ADGRA1: variants seen among roughly 807,000 people sequenced by gnomAD.
ADGRA1 encodes G-protein coupled receptor 123.
Under a neutral mutation model 21.3 loss-of-function variants are expected in ADGRA1, and 12 were observed. That is an observed-to-expected ratio of 0.56 (90% CI 0.36 to 0.91). The LOEUF (loss-of-function observed/expected upper bound fraction) is 0.91. Ranked by LOEUF, ADGRA1 falls within the 40% of genes least tolerant of loss-of-function variation. ADGRA1 has a pLI of 0.01. For missense variants in ADGRA1, 790 were observed against 805.6 expected (o/e 0.98, Z 0.23); for synonymous variants, 385 against 368.8 (o/e 1.04, Z -0.50).
intron 5 of ADGRA1, among the ~76,000 whole-genome samples, chr10:133,104,797 G>T (rs1259351039): frequency 6.6e-6 from 1 of 152,190 alleles, no homozygotes; most frequent in African/African-American, 2.4e-5. Flanking sequence ...TGCAGACTCA[G>T]GAGTGGTGGG....
rs901352036 is a variant in ADGRA1 at position 133,131,553 on chromosome 10, G to C, written c.*2042G>C. ...ATCCTGGGGCAGGGCTGCTCTCCCT[G>C]GCCCCTGCAGCCCCTCATGAACTTT... On this transcript the variant is annotated 3_prime_UTR_variant, in exon 7 of 7. Transcript: ENST00000392607. 1 of 152,434 alleles carries C rather than the reference G, an allele frequency of 6.6e-6. No homozygotes were observed. Among genetic ancestry groups the C allele is most frequent in the Non-Finnish European group, 1.5e-5 (1 of 68,082 alleles). The allele number at this position is 152,434 out of a possible 1,614,324, so 9.4% of individuals were successfully genotyped here.
Position 133,128,483 on chromosome 10 carries a change from C to T in ADGRA1, c.655C>T (p.Arg219Trp). The change falls in exon 7 of 7, where the codon CGG becomes TGG. Residue 219 changes from arginine (R) to tryptophan (W), a missense_variant. Arg to Trp is a moderately radical substitution (Grantham distance 101, BLOSUM62 -3). Coordinates refer to ENST00000392607, the MANE Select transcript of ADGRA1 (RefSeq NM_001083909.3). Reference sequence around the variant, plus strand: ...GCTGCGCACACAGCCCGAGGAGCAGCGGCGGCTGGCGACACCCGAGGGCGG... The same window carrying T: ...GCTGCGCACACAGCCCGAGGAGCAGTGGCGGCTGGCGACACCCGAGGGCGG... ...YELRTQPEEQ[R>W]RLATPEGGRG... is the part of the protein sequence containing the mutation. 1.3e-6 allele frequency: 2 copies of T among 1,563,770 alleles called. No homozygotes were observed. Among genetic ancestry groups the T allele is most frequent in the Non-Finnish European group, 1.7e-6 (2 of 1,156,280 alleles).
chr10:133,087,983 C>T lies in ADGRA1; in HGVS notation c.-358C>T, dbSNP rs1238713632. 26 of 984,876 alleles carry T rather than the reference C, an allele frequency of 2.6e-5. No individual in the cohort carries two copies. The Admixed American group carries it at 1.5e-3, about 56-fold the overall frequency. 61.0% of individuals were successfully genotyped at this position (984,876 alleles called of 1,614,324 possible). ...GCTCGTGCGCGGGGCTGTGACTCAC[C>T]GGCCGGCGCCGCAGCCCCGCAATCT... is the stretch of plus-strand genomic sequence containing the variant. On this transcript the variant is annotated 5_prime_UTR_variant, in exon 1 of 7. Transcript: ENST00000392607.
chr10:133,116,495 C>T (rs982143880), intron 5 of ADGRA1, among the ~76,000 whole-genome samples: 206 of 140,394 alleles, frequency 1.5e-3, no homozygotes, highest in African/African-American at 4.7e-3. Flanking sequence ...GTCTGGGGGG[C>T]GTCCCTGGGC....
At chr10:133,121,540 CAG>C (rs1852257842) in intron 5 of ADGRA1, among the ~76,000 whole-genome samples, 1 of 134,192 alleles carries the variant, frequency 7.5e-6, no homozygotes, top group Non-Finnish European at 1.5e-5. Context: ...TCCAGTGTGC[CAG>C]TGTGTGTGTG....
chr10:133,096,860 A>G (rs1400410148), intron 2 of ADGRA1, 114 bp from the exon 3 acceptor site: 3 of 1,329,806 alleles, frequency 2.3e-6, no homozygotes, highest in Non-Finnish European at 2.1e-6. Flanking sequence ...CCCCACACGA[A>G]AATGCCTGGA....
At position 133,129,052 on chromosome 10, in the gene ADGRA1, G is replaced by A; in HGVS notation, c.1224G>A (p.Gly408=). Reference sequence around the variant, plus strand: ...ACCTGCAGGAGGAGGGCGCCTTCGGGCACGACCCCCACCTGCACGGGTGCC... The same window carrying A: ...ACCTGCAGGAGGAGGGCGCCTTCGGACACGACCCCCACCTGCACGGGTGCC... ...HVHLQEEGAF[G]HDPHLHGCLQ... is the part of the protein sequence containing the mutation. The change falls in exon 7 of 7, where the codon GGG becomes GGA. Residue 408 remains glycine (G), a synonymous_variant. Coordinates refer to ENST00000392607, the MANE Select transcript of ADGRA1 (RefSeq NM_001083909.3). The A allele has an allele frequency of 6.4e-7, 1 of 1,554,344 alleles. No individual in the cohort carries two copies. Among genetic ancestry groups the A allele is most frequent in the Non-Finnish European group, 8.7e-7 (1 of 1,147,920 alleles).
At chr10:133,090,380 G>GT (rs1851578518) in intron 2 of ADGRA1, among the ~76,000 whole-genome samples, 1 of 152,266 alleles carries the variant, frequency 6.6e-6, no homozygotes, top group African/African-American at 2.4e-5. Context: ...ACCCAAGACT[G>GT]TGAAAGCCTG....
At chr10:133,118,260 A>G (rs61286434) in intron 5 of ADGRA1, among the ~76,000 whole-genome samples, 5,026 of 152,230 alleles carry the variant, frequency 0.033, 186 homozygotes, top group African/African-American at 0.096. Flanking sequence ...CGGTGCCCAC[A>G]GGATTTTTAA....
intron 5 of ADGRA1, among the ~76,000 whole-genome samples, chr10:133,112,690 C>T (rs867469935): frequency 1.0e-3 from 60 of 58,162 alleles, no homozygotes; most frequent in Non-Finnish European, 1.5e-3. Flanking sequence ...TTGGGGTCTA[C>T]GGGCCACGTC....
chr10:133,089,307 G>A (rs780724240), intron 2 of ADGRA1, among the ~76,000 whole-genome samples: 11 of 152,152 alleles, frequency 7.2e-5, no homozygotes, highest in Non-Finnish European at 1.0e-4. Context: ...CCACCCTGCC[G>A]GCCCCTTCCC....
At chr10:133,097,714 G>T (rs1851712269) in intron 3 of ADGRA1, among the ~76,000 whole-genome samples, 1 of 152,200 alleles carries the variant, frequency 6.6e-6, no homozygotes, top group African/African-American at 2.4e-5. Context: ...CAGAACACGG[G>T]GGCCTCGATG....
intron 5 of ADGRA1, among the ~76,000 whole-genome samples, chr10:133,125,020 T>G (rs1055888457): frequency 3.3e-5 from 5 of 152,254 alleles, no homozygotes; most frequent in Non-Finnish European, 7.3e-5. Context: ...CCTGGACACT[T>G]CTGCGTCCCC....
rs1373142173 is a variant in ADGRA1 at position 133,127,299 on chromosome 10, G to T, written c.468G>T (p.Arg156Ser). ...ICGVTAATNI[R>S]NYGTEDEDTA... ...GGGTCACGGCTGCCACGAACATCAG[G>T]AATTACGGGACAGAGGACGAGGACA... is the stretch of plus-strand genomic sequence containing the variant. The change falls in exon 6 of 7, where the codon AGG (arginine) becomes AGT (serine). Residue 156 changes from arginine (R) to serine (S), a missense_variant. Physicochemically the swap from Arg to Ser is moderately radical, Grantham distance 110. This residue lies in a region of ADGRA1 where 382 missense variants were observed against 415.6 expected (regional missense o/e 0.92). Transcript: ENST00000392607. 6.3e-7 allele frequency: 1 copy of T among 1,599,914 alleles called. No individual in the cohort carries two copies. The highest frequency in any genetic ancestry group is 1.1e-5 in the South Asian group (1 of 88,812).
chr10:133,114,941 C>T (rs1231890944), intron 5 of ADGRA1, among the ~76,000 whole-genome samples: 1 of 152,222 alleles, frequency 6.6e-6, no homozygotes, highest in Non-Finnish European at 1.5e-5. Flanking sequence ...CGGGTCCACA[C>T]CTGGAATCCA....
intron 4 of ADGRA1, among the ~76,000 whole-genome samples, chr10:133,100,009 C>T (rs1039715359): frequency 2.6e-5 from 4 of 152,248 alleles, no homozygotes; most frequent in East Asian, 1.9e-4. Flanking sequence ...GCCACGGCCA[C>T]GGGCTTCCTT....
chr10:133,106,847 C>T (rs150080859), intron 5 of ADGRA1, among the ~76,000 whole-genome samples: 5 of 152,234 alleles, frequency 3.3e-5, no homozygotes, highest in Admixed American at 1.3e-4. Flanking sequence ...GTGCCCATCG[C>T]GGGCTCCTGG....
chr10:133,095,652 G>A, intron 2 of ADGRA1: 4 of 1,593,886 alleles, frequency 2.5e-6, no homozygotes, highest in East Asian at 2.2e-5. Flanking sequence ...GCTCCCCAGA[G>A]CACCCTCTGT....
intron 5 of ADGRA1, among the ~76,000 whole-genome samples, chr10:133,108,693 C>T (rs1851934105): frequency 6.6e-6 from 1 of 152,156 alleles, no homozygotes; most frequent in East Asian, 1.9e-4. Flanking sequence ...TTGCAGTCTG[C>T]CCACCAGTCC....
Sources: gnomAD v4.1 joint callset for allele counts (sites outside exome capture counted in the v4.1 genomes callset) on GRCh38, gnomAD v4.1.1 for gene constraint, gnomAD v4.1.1 regional missense constraint, MANE v1.5 for transcripts, NCBI Gene and HGNC (gene_info 2026-07-23, HGNC 2026-07-21) for gene names.